Variants in JMJD1C observed in about 807,000 individuals in gnomAD.
The protein encoded by JMJD1C is jumonji domain-containing protein 1C.
A neutral mutation model predicts 245.3 loss-of-function variants in JMJD1C; 31 were observed. The ratio of observed to expected loss-of-function variants is 0.13; its 90% confidence interval spans 0.09 to 0.17. JMJD1C has a LOEUF of 0.17. Among genes scored for constraint, JMJD1C ranks in the 10% least tolerant of loss-of-function variants. JMJD1C has a pLI of 1.00. For synonymous variants in JMJD1C, 1,057 were observed against 1,017.4 expected, an observed-to-expected ratio of 1.04 and a Z score of -0.74; for missense variants, 2,691 against 3,000.2, an observed-to-expected ratio of 0.90 and a Z score of 2.41.
At chr10:63,282,867 C>A (rs948185366) in intron 2 of JMJD1C, among the ~76,000 whole-genome samples, 6 of 152,150 alleles carry the variant, frequency 3.9e-5, no homozygotes, top group Non-Finnish European at 8.8e-5. Flanking sequence ...CAGGCGCGTG[C>A]CACCACGCCT....
intron 24 of JMJD1C, among the ~76,000 whole-genome samples, chr10:63,170,896 C>CT (rs1191745893): frequency 1.3e-5 from 2 of 152,090 alleles, no homozygotes; most frequent in Non-Finnish European, 2.9e-5. Flanking sequence ...TTGACATTGT[C>CT]TTATTCATAC....
At chr10:63,226,370 A>G (rs564549191) in intron 3 of JMJD1C, among the ~76,000 whole-genome samples, 1 of 152,258 alleles carries the variant, frequency 6.6e-6, no homozygotes, top group African/African-American at 2.4e-5. Context: ...CACTGTGCTG[A>G]ATGACTGCTT....
chr10:63,296,585 A>G (rs7894914), intron 2 of JMJD1C, among the ~76,000 whole-genome samples: 146,149 of 152,298 alleles, frequency 0.96, 70,167 homozygotes, highest in East Asian at 1. Flanking sequence ...TCTGAAACAA[A>G]AAAGCAGAAC....
At chr10:63,246,625 G>A (rs1161350032) in intron 3 of JMJD1C, among the ~76,000 whole-genome samples, 1 of 151,364 alleles carries the variant, frequency 6.6e-6, no homozygotes, top group East Asian at 1.9e-4. Flanking sequence ...AACAAATAAT[G>A]TACAAAAAAG....
intron 1 of JMJD1C, among the ~76,000 whole-genome samples, chr10:63,399,399 G>A (rs2132569665): frequency 6.6e-6 from 1 of 152,272 alleles, no homozygotes; most frequent in East Asian, 1.9e-4. Flanking sequence ...CAATCAGAGT[G>A]CTAGGGGTGC....
chr10:63,349,264 C>A (rs113771232), intron 2 of JMJD1C, among the ~76,000 whole-genome samples: 1 of 152,082 alleles, frequency 6.6e-6, no homozygotes, highest in Non-Finnish European at 1.5e-5. Flanking sequence ...AAAAAAACTT[C>A]TTTTCTTTAT....
intron 2 of JMJD1C, among the ~76,000 whole-genome samples, chr10:63,323,494 T>C (rs941855420): frequency 5.3e-5 from 8 of 152,066 alleles, no homozygotes; most frequent in African/African-American, 1.7e-4. Context: ...TACTCCACCC[T>C]GGGTGACAGA....
chr10:63,364,746 C>G (rs765650120), intron 2 of JMJD1C, among the ~76,000 whole-genome samples: 2 of 152,154 alleles, frequency 1.3e-5, no homozygotes, highest in Non-Finnish European at 2.9e-5. Flanking sequence ...CTCAGCTTCC[C>G]TAAGTGCTGG....
At chr10:63,374,596 G>GAAT (rs1409066767) in intron 2 of JMJD1C, among the ~76,000 whole-genome samples, 2 of 152,086 alleles carry the variant, frequency 1.3e-5, no homozygotes, top group African/African-American at 4.8e-5. Context: ...CTACTACTAT[G>GAAT]AATATACATT....
rs1433029021 is a variant in JMJD1C, at chr10:63,222,781, G to T, written c.448-2798C>A. The T allele has an allele frequency of 4.1e-6, 6 of 1,473,004 alleles. No homozygotes were observed. In the East Asian group the frequency reaches 1.4e-4, roughly 33 times the overall value. The allele number at this position is 1,473,004 out of a possible 1,614,324, so 91.2% of individuals were successfully genotyped here. ...AAACTGAAACTAATTTGGAAGTTTT[G>T]AAGTCAATTCCTAGTGAAAAATTAA... On this transcript the variant is annotated intron_variant, in intron 3 of 25. Coordinates refer to ENST00000399262, the MANE Select transcript of JMJD1C (RefSeq NM_032776.3).
chr10:63,374,201 CA>C (rs1424153446), intron 2 of JMJD1C, among the ~76,000 whole-genome samples: 4 of 152,034 alleles, frequency 2.6e-5, no homozygotes, highest in Non-Finnish European at 5.9e-5. Flanking sequence ...ATAAAAAACT[CA>C]AAACCCTAAT....
intron 18 of JMJD1C, among the ~76,000 whole-genome samples, chr10:63,187,118 A>G (rs1487310406): frequency 6.6e-6 from 1 of 152,210 alleles, no homozygotes; most frequent in Non-Finnish European, 1.5e-5. Context: ...ATCTCTAGCT[A>G]GATTTTTTTT....
intron 2 of JMJD1C, among the ~76,000 whole-genome samples, chr10:63,329,208 G>C (rs1020505773): frequency 1.3e-5 from 2 of 151,818 alleles, no homozygotes; most frequent in African/African-American, 2.4e-5. Context: ...CTTGAGCCTG[G>C]GAGGTTGAAA....
At chr10:63,343,526 A>AAT (rs1943557130) in intron 2 of JMJD1C, among the ~76,000 whole-genome samples, 1 of 152,190 alleles carries the variant, frequency 6.6e-6, no homozygotes, top group South Asian at 2.1e-4. Context: ...AGATTTTGTT[A>AAT]ATATATATAC....
At chr10:63,281,630 T>C (rs1035461904) in intron 2 of JMJD1C, among the ~76,000 whole-genome samples, 1 of 151,374 alleles carries the variant, frequency 6.6e-6, no homozygotes, top group Non-Finnish European at 1.5e-5. Context: ...GCCACCACAC[T>C]TGGCTAACTT....
chr10:63,247,719 C>CAAA (rs71025135), intron 3 of JMJD1C, among the ~76,000 whole-genome samples: 9,329 of 104,752 alleles, frequency 0.089, 647 homozygotes, highest in Middle Eastern at 0.12. Context: ...GTGACAGAGC[C>CAAA]AAAAAAAAAA....
intron 3 of JMJD1C, among the ~76,000 whole-genome samples, chr10:63,243,981 T>C (rs1217630507): frequency 1.3e-5 from 2 of 152,146 alleles, no homozygotes; most frequent in Non-Finnish European, 2.9e-5. Flanking sequence ...AAGATCAAGG[T>C]GGACAACCAG....
chr10:63,408,862 T>G (rs938365624), intron 1 of JMJD1C, among the ~76,000 whole-genome samples: 1 of 152,108 alleles, frequency 6.6e-6, no homozygotes, highest in South Asian at 2.1e-4. Context: ...GGAGGGCCAG[T>G]ACAGATATAA....
At chr10:63,384,754 T>G (rs1222362347) in intron 1 of JMJD1C, among the ~76,000 whole-genome samples, 2 of 152,232 alleles carry the variant, frequency 1.3e-5, no homozygotes, top group Non-Finnish European at 2.9e-5. Flanking sequence ...CCAGTTACTG[T>G]AGTCCCTAAC....
Sources: gnomAD v4.1 joint callset for allele counts (sites outside exome capture counted in the v4.1 genomes callset) on GRCh38, gnomAD v4.1.1 for gene constraint, MANE v1.5 for transcripts, NCBI Gene and HGNC (gene_info 2026-07-23, HGNC 2026-07-21) for gene names.